Variants in ABCF1 observed in about 807,000 individuals in gnomAD.
ABCF1 encodes the protein ATP-binding cassette sub-family F member 1.
Under a neutral mutation model 126.3 loss-of-function variants are expected in ABCF1, and 73 were observed. That is an observed-to-expected ratio of 0.58 (90% CI 0.48 to 0.70). The LOEUF is 0.70. ABCF1 is among the 30% of genes least tolerant of loss of function. The probability of loss-of-function intolerance (pLI) is 0.00; values close to 1 mark genes in which losing one functional copy is unlikely to be tolerated. For synonymous variants in ABCF1, 345 were observed against 396.4 expected (o/e 0.87, Z 1.54); for missense variants, 786 against 1,057.5 (o/e 0.74, Z 3.56).
chr6:30,586,030 T>C lies in ABCF1; in HGVS notation c.1713+39T>C. The C allele has an allele frequency of 6.3e-7, 1 of 1,594,610 alleles. No individual in the cohort carries two copies. The highest frequency in any genetic ancestry group is 8.5e-7 in the Non-Finnish European group (1 of 1,169,756). The stretch of plus-strand genomic sequence containing the variant: ...GGACTTCTGGGCTGGGGGCCACTGT[T>C]CTCTCCTGGCAGTGGAGGAAGAAGG... On this transcript the variant is annotated intron_variant, in intron 17 of 24. Coordinates refer to ENST00000326195, the MANE Select transcript of ABCF1 (RefSeq NM_001025091.2). This position sits in a 1 kb window ranked among gnomAD's most constrained non-coding sequence, Gnocchi z 4.9.
At chr6:30,585,801 C>T in intron 16 of ABCF1, 78 bp from the exon 17 acceptor site, 3 of 1,555,702 alleles carry the variant, frequency 1.9e-6, no homozygotes, top group Non-Finnish European at 2.6e-6. Flanking sequence ...ATGCCTACCC[C>T]ATCACCACCA....
chr6:30,584,021 G>A lies in ABCF1; in HGVS notation c.1102+131G>A, dbSNP rs1372275289. ...TGGAGGGAGACTGGAGACCGGGAAA[G>A]GGATGCTAAGGAAAGGAGGGGAGGG... On this transcript the variant is annotated intron_variant, in intron 12 of 24. Transcript: ENST00000326195. The surrounding 1 kb of genome is among the most constrained non-coding windows in gnomAD (Gnocchi z 4.6). The A allele has an allele frequency of 4.3e-6, 6 of 1,384,484 alleles. 1 individual carries two copies. The African/African-American group carries it at 8.7e-5, about 20-fold the overall frequency. 85.8% of individuals were successfully genotyped at this position (1,384,484 alleles called of 1,614,324 possible).
rs1210847475 is a variant in ABCF1 at position 30,584,380 on chromosome 6, G to A, written c.1243-38G>A. ...ACGGGCAAAGACTTGGGGGTTCCTG[G>A]GACCCTCAGACGTGTGTCCTCTTCT... On this transcript the variant is annotated intron_variant, in intron 13 of 24. Transcript: ENST00000326195. The surrounding 1 kb of genome is among the most constrained non-coding windows in gnomAD (Gnocchi z 4.6). 6.2e-7 allele frequency: 1 copy of A among 1,612,948 alleles called. No homozygotes were observed. The highest frequency in any genetic ancestry group is 1.3e-5 in the African/African-American group (1 of 74,908).
chr6:30,585,123 C>T, intron 14 of ABCF1, 137 bp from the exon 15 acceptor site: 1 of 792,160 alleles, frequency 1.3e-6, no homozygotes, highest in South Asian at 1.5e-5. Flanking sequence ...TAAACCGTAT[C>T]CTGCCCGAGA....
chr6:30,586,335 A>C lies in ABCF1; in HGVS notation c.1885+30A>C. ...GTGCCGCGGGCCTCTGCTGCTCCAC[A>C]GGAAGCACCGGAAGCATGTATGTGC... On this transcript the variant is annotated intron_variant, in intron 18 of 24. Transcript: ENST00000326195. This position sits in a 1 kb window ranked among gnomAD's most constrained non-coding sequence, Gnocchi z 4.9. 2 of 1,600,180 alleles carry C rather than the reference A, an allele frequency of 1.2e-6. No homozygotes were observed. The highest frequency in any genetic ancestry group is 1.1e-5 in the South Asian group (1 of 89,746).
rs1802421265 is a variant in ABCF1 at position 30,590,919 on chromosome 6, A to T, written c.*218A>T. 1 of 519,196 alleles carries T rather than the reference A, an allele frequency of 1.9e-6. No homozygotes were observed. The highest frequency in any genetic ancestry group is 1.9e-5 in the African/African-American group (1 of 51,430). 32.2% of individuals were successfully genotyped at this position (519,196 alleles called of 1,614,324 possible). A position where few individuals can be genotyped will look rare whatever the true frequency, so the allele number is the denominator to read the frequency against. ...TGTTCTGCTTCTCTTCATATAACTG[A>T]GCTGGCCTTATCCTTGGCATCCCCC... is the stretch of plus-strand genomic sequence containing the variant. On this transcript the variant is annotated 3_prime_UTR_variant, in exon 25 of 25. Transcript: ENST00000326195.
In ABCF1 at chr6:30,584,379, G is replaced by C; in HGVS notation, c.1243-39G>C. On this transcript the variant is annotated intron_variant, in intron 13 of 24. Transcript: ENST00000326195. The surrounding 1 kb of genome is among the most constrained non-coding windows in gnomAD (Gnocchi z 4.6). ...CACGGGCAAAGACTTGGGGGTTCCT[G>C]GGACCCTCAGACGTGTGTCCTCTTC... 1 of 1,613,082 alleles carries C rather than the reference G, an allele frequency of 6.2e-7. No individual in the cohort carries two copies. Among genetic ancestry groups the C allele is most frequent in the South Asian group, 1.1e-5 (1 of 91,086 alleles).
chr6:30,582,994 G>A (rs1181561362), intron 9 of ABCF1, 72 bp from the exon 10 acceptor site: 69 of 1,555,918 alleles, frequency 4.4e-5, no homozygotes, highest in Non-Finnish European at 5.9e-5. Flanking sequence ...TGCCCAGCCA[G>A]CATGGGCTGT....
chr6:30,583,478 G>A lies in ABCF1; in HGVS notation c.916-130G>A. ...CGGGGACCGGCTGTGGGGAGAGGAA[G>A]GGGATTATGCTGGAGGTAGCGGTTT... On this transcript the variant is annotated intron_variant, in intron 10 of 24. Transcript: ENST00000326195. This position sits in a 1 kb window ranked among gnomAD's most constrained non-coding sequence, Gnocchi z 4.1. 2 of 1,015,040 alleles carry A rather than the reference G, an allele frequency of 2.0e-6. No homozygotes were observed. Among genetic ancestry groups the A allele is most frequent in the South Asian group, 1.4e-5 (1 of 69,022 alleles). The allele number at this position is 1,015,040 out of a possible 1,614,324, so 62.9% of individuals were successfully genotyped here. A position where few individuals can be genotyped will look rare whatever the true frequency, so the allele number is the denominator to read the frequency against.
At position 30,584,631 on chromosome 6, in the gene ABCF1, C is replaced by A; in HGVS notation, c.1391+65C>A. The A allele has an allele frequency of 6.6e-7, 1 of 1,517,842 alleles. No individual in the cohort carries two copies. Among genetic ancestry groups the A allele is most frequent in the South Asian group, 1.3e-5 (1 of 78,866 alleles). The allele number at this position is 1,517,842 out of a possible 1,614,324, so 94.0% of individuals were successfully genotyped here. A position where few individuals can be genotyped will look rare whatever the true frequency, so the allele number is the denominator to read the frequency against. On this transcript the variant is annotated intron_variant, in intron 14 of 24. Coordinates refer to ENST00000326195, the MANE Select transcript of ABCF1 (RefSeq NM_001025091.2). The surrounding 1 kb of genome is among the most constrained non-coding windows in gnomAD (Gnocchi z 4.6). ...ACCACCGGGGCCCTTTTCCTCTTTCCCTTCTCATTCTTCCAAGGCCAATAG... is the reference window on the plus strand; with the variant it reads ...ACCACCGGGGCCCTTTTCCTCTTTCACTTCTCATTCTTCCAAGGCCAATAG...
At chr6:30,575,457 A>G (rs1456157814) in intron 1 of ABCF1, among the ~76,000 whole-genome samples, 1 of 151,986 alleles carries the variant, frequency 6.6e-6, no homozygotes, top group African/African-American at 2.4e-5. Context: ...AAGAGAAGAT[A>G]ATAAATAGGC....
Position 30,583,063 on chromosome 6 carries a change from C to T in ABCF1, c.793-3C>T. On this transcript the variant is annotated splice_region_variant and splice_polypyrimidine_tract_variant and intron_variant, in intron 9 of 24. Transcript: ENST00000326195. This position sits in a 1 kb window ranked among gnomAD's most constrained non-coding sequence, Gnocchi z 4.1. ...TCAAATGTAGTTTTTCCTACCTTCT[C>T]AGATGGAGTATGAGCGCCAAGTGGC... 1 of 1,601,978 alleles carries T rather than the reference C, an allele frequency of 6.2e-7. No individual in the cohort carries two copies. Among genetic ancestry groups the T allele is most frequent in the Non-Finnish European group, 8.5e-7 (1 of 1,170,944 alleles).
Position 30,579,942 on chromosome 6 carries a change from G to A in ABCF1, c.501G>A (p.Glu167=). The A allele has an allele frequency of 6.2e-7, 1 of 1,612,916 alleles. No individual in the cohort carries two copies. The highest frequency in any genetic ancestry group is 2.2e-5 in the East Asian group (1 of 44,884). The stretch of plus-strand genomic sequence containing the variant: ...TGTGTCTCCTCCAGGCCGTATCTGA[G>A]GAACAGCAGCCTGCACTCAAGGGCA... ...EKNRINKAVS[E]EQQPALKGKK... The change falls in exon 7 of 25, where the codon GAG becomes GAA. Residue 167 remains glutamate (E), a synonymous_variant. Transcript: ENST00000326195.
At chr6:30,581,298 AAGG>A (rs1801803051) in intron 8 of ABCF1, among the ~76,000 whole-genome samples, 2 of 151,776 alleles carry the variant, frequency 1.3e-5, no homozygotes, top group Admixed American at 6.6e-5. Flanking sequence ...TGTGTGATAG[AAGG>A]AGGAGTCCGG....
Position 30,585,553 on chromosome 6 carries a change from C to T in ABCF1, c.1476-5C>T, listed in dbSNP as rs757770525. The T allele has an allele frequency of 1.7e-5, 27 of 1,612,938 alleles. No homozygotes were observed. Among genetic ancestry groups the T allele is most frequent in the Non-Finnish European group, 2.2e-5 (26 of 1,179,994 alleles). ...GACACTTACACCCTGTTCTCTGAAA[C>T]CCAGCTACCTCCAGGGCTGGCGGAA... On this transcript the variant is annotated splice_region_variant and splice_polypyrimidine_tract_variant and intron_variant, in intron 15 of 24. Coordinates refer to ENST00000326195, the MANE Select transcript of ABCF1 (RefSeq NM_001025091.2).
chr6:30,576,675 G>A (rs1801520370), intron 1 of ABCF1, among the ~76,000 whole-genome samples: 1 of 152,014 alleles, frequency 6.6e-6, no homozygotes, highest in African/African-American at 2.4e-5. Context: ...TACTCTGACA[G>A]CCTCCCCAGT....
intron 15 of ABCF1, 86 bp from the exon 16 acceptor site, chr6:30,585,472 T>C: frequency 6.3e-7 from 1 of 1,593,772 alleles, no homozygotes; most frequent in South Asian, 1.1e-5. Context: ...CCCCTTTCCC[T>C]CCCAGCCCCC....
Position 30,584,477 on chromosome 6 carries a change from CCTGGCTGGCCTGGGCTTT to C in ABCF1, c.1303_1320del (p.Leu435_Phe440del). 6.2e-7 allele frequency: 1 copy of C among 1,613,050 alleles called. No homozygotes were observed. Among genetic ancestry groups the C allele is most frequent in the Non-Finnish European group, 8.5e-7 (1 of 1,180,022 alleles). ...CTGCAGAGGCCAAAGCACGGCGGATCCTGGCTGGCCTGGGCTTTGACCCTGAAATGCAGAATCGACCCA... is the reference window on the plus strand; with the variant it reads ...CTGCAGAGGCCAAAGCACGGCGGATCGACCCTGAAATGCAGAATCGACCCA... On this transcript the variant is annotated inframe_deletion, in exon 14 of 25. Coordinates refer to ENST00000326195, the MANE Select transcript of ABCF1 (RefSeq NM_001025091.2). The surrounding 1 kb of genome is among the most constrained non-coding windows in gnomAD (Gnocchi z 4.6).
chr6:30,581,240 T>C (rs2127409976), intron 8 of ABCF1, among the ~76,000 whole-genome samples: 1 of 152,184 alleles, frequency 6.6e-6, no homozygotes, highest in East Asian at 1.9e-4. Context: ...ACTGGCTGTG[T>C]GACCTTGAAT....
Sources: gnomAD v4.1 joint callset for allele counts (sites outside exome capture counted in the v4.1 genomes callset) on GRCh38, gnomAD v4.1.1 for gene constraint, Gnocchi (gnomAD v3.1) non-coding constraint, MANE v1.5 for transcripts, NCBI Gene and HGNC (gene_info 2026-07-23, HGNC 2026-07-21) for gene names.